Variants in ATP7A observed in about 807,000 individuals in gnomAD.
ATP7A encodes the protein copper-transporting ATPase 1.
In ATP7A, 7 loss-of-function variants were observed where a neutral mutation model predicts 83.5. The observed-to-expected ratio is 0.08, with a 90% CI of 0.05 to 0.16. ATP7A has a LOEUF of 0.16. Among genes scored for constraint, ATP7A ranks in the 10% least tolerant of loss-of-function variants. ATP7A has a pLI of 1.00. For missense variants in ATP7A, 940 were observed against 1,120.8 expected, an observed-to-expected ratio of 0.84 and a Z score of 2.30; for synonymous variants, 354 against 395.2, an observed-to-expected ratio of 0.90 and a Z score of 1.24.
chrX:77,984,109 G>A (rs782062574), intron 2 of ATP7A, among the ~76,000 whole-genome samples: 2 of 111,450 alleles, frequency 1.8e-5, no homozygotes, highest in Non-Finnish European at 3.8e-5. Context: ...TGGGGAATGA[G>A]GAAGGTGGGG....
chrX:77,961,277 CTGAT>C (rs1169932315), intron 1 of ATP7A, among the ~76,000 whole-genome samples: 4 of 112,099 alleles, frequency 3.6e-5, no homozygotes, highest in African/African-American at 1.3e-4. Context: ...TTCTGCCTGA[CTGAT>C]CTCTCTCAGT....
chrX:78,020,854 G>A, intron 13 of ATP7A, 91 bp from the exon 14 acceptor site: 14 of 982,080 alleles, frequency 1.4e-5, no homozygotes, highest in Non-Finnish European at 2.0e-5. Flanking sequence ...ATTTCTATTT[G>A]TGCTAACTAC....
intron 1 of ATP7A, among the ~76,000 whole-genome samples, chrX:77,949,695 ACCATCAGTTAAC>A (rs1287298781): frequency 3.6e-5 from 4 of 111,976 alleles, no homozygotes; most frequent in African/African-American, 1.3e-4. Context: ...TAGAAAAGAG[ACCATCAGTTAAC>A]CCATTGGAGG....
At chrX:77,954,351 C>T (rs531364983) in intron 1 of ATP7A, among the ~76,000 whole-genome samples, 2 of 111,188 alleles carry the variant, frequency 1.8e-5, no homozygotes, top group Middle Eastern at 9.4e-3. Context: ...ACCATATTGG[C>T]CAGGCTAGTC....
At chrX:77,990,068 T>G in intron 4 of ATP7A, 110 bp downstream of exon 4, 1 of 1,022,869 alleles carries the variant, frequency 9.8e-7, no homozygotes, top group African/African-American at 1.8e-5. Flanking sequence ...AATTCCACTT[T>G]TGCAAATATG....
At chrX:77,916,224 A>G (rs2077184357) in intron 1 of ATP7A, among the ~76,000 whole-genome samples, 2 of 109,044 alleles carry the variant, frequency 1.8e-5, no homozygotes, top group African/African-American at 6.7e-5. Flanking sequence ...GTGTGGTGGC[A>G]TGCGCCTATA....
chrX:78,004,525 G>C (rs901938664), intron 6 of ATP7A, among the ~76,000 whole-genome samples: 2 of 109,871 alleles, frequency 1.8e-5, no homozygotes, highest in African/African-American at 6.6e-5. Flanking sequence ...GAGGTGGGAG[G>C]ATCACTTGAG....
chrX:77,960,772 C>T (rs1195413163), intron 1 of ATP7A, among the ~76,000 whole-genome samples: 1 of 111,652 alleles, frequency 9.0e-6, no homozygotes, highest in Non-Finnish European at 1.9e-5. Context: ...CTTTTGTTCT[C>T]AGAGTCACTC....
intron 14 of ATP7A, 43 bp downstream of exon 14, chrX:78,021,122 T>C: frequency 8.7e-7 from 1 of 1,152,548 alleles, no homozygotes; most frequent in Non-Finnish European, 1.2e-6. Flanking sequence ...CAGAACAATT[T>C]GTGAGTCTTT....
intron 14 of ATP7A, among the ~76,000 whole-genome samples, chrX:78,027,107 G>T (rs1184553108): frequency 9.4e-6 from 1 of 106,314 alleles, no homozygotes; most frequent in East Asian, 2.9e-4. Flanking sequence ...CCTAGATCAC[G>T]CCATTGAACT....
chrX:78,042,041 C>A (rs1159993015), intron 19 of ATP7A, among the ~76,000 whole-genome samples: 1 of 103,163 alleles, frequency 9.7e-6, no homozygotes, highest in Admixed American at 1.1e-4. Flanking sequence ...TCGCTTGAAC[C>A]AGGAGGCGGA....
At chrX:77,915,980 C>A (rs1466893875) in intron 1 of ATP7A, among the ~76,000 whole-genome samples, 5 of 112,089 alleles carry the variant, frequency 4.5e-5, no homozygotes, top group African/African-American at 1.3e-4. Context: ...TTCAGCCTCC[C>A]AAAGTGCTGG....
intron 17 of ATP7A, among the ~76,000 whole-genome samples, chrX:78,036,820 C>T (rs1215343313): frequency 9.0e-6 from 1 of 111,319 alleles, no homozygotes; most frequent in East Asian, 2.8e-4. Flanking sequence ...GGGGCAAGGG[C>T]AGAAGCAGGG....
chrX:78,020,880 T>G, intron 13 of ATP7A, 65 bp from the exon 14 acceptor site: 1 of 1,080,958 alleles, frequency 9.3e-7, no homozygotes, highest in South Asian at 1.9e-5. Context: ...ATACTCTGCA[T>G]TCAGTATCAG....
intron 1 of ATP7A, chrX:77,964,482 A>G (rs1457772773): frequency 1.8e-5 from 2 of 110,318 alleles, no homozygotes; most frequent in Non-Finnish European, 3.8e-5. Context: ...GTTTTGTTAC[A>G]TAGGTATACA....
chrX:78,011,515 G>T lies in ATP7A; in HGVS notation c.2013G>T (p.Met671Ile), dbSNP rs371215281. Reference protein sequence around the residue: ...CIPVMGLMIYMMVMDHHFATL... With the variant: ...CIPVMGLMIYIMVMDHHFATL... Reference sequence around the variant, plus strand: ...CTGTAATGGGGCTGATGATATATATGATGGTTATGGACCACCACTTTGCAA... The same window carrying T: ...CTGTAATGGGGCTGATGATATATATTATGGTTATGGACCACCACTTTGCAA... The change falls in exon 9 of 23, where the codon ATG (methionine) becomes ATT (isoleucine). Residue 671 changes from methionine (M) to isoleucine (I), a missense_variant. By Grantham distance (10) the Met-to-Ile change is conservative. This residue lies in a region of ATP7A where 204 missense variants were observed against 185.8 expected (regional missense o/e 1.10). Transcript: ENST00000341514. 3.3e-6 allele frequency: 4 copies of T among 1,208,303 alleles called. No homozygotes were observed. The highest frequency in any genetic ancestry group is 4.5e-6 in the Non-Finnish European group (4 of 894,565).
chrX:78,042,827 G>A (rs372892189), intron 20 of ATP7A, 39 bp downstream of exon 20: 2 of 1,150,785 alleles, frequency 1.7e-6, no homozygotes, highest in Admixed American at 4.4e-5. Context: ...GTATGAGACT[G>A]CCCTATGTGG....
chrX:77,962,577 A>C (rs2077479390), intron 1 of ATP7A: 2 of 330,472 alleles, frequency 6.1e-6, no homozygotes, highest in Non-Finnish European at 1.2e-5. Flanking sequence ...AGGTGTTATG[A>C]GTTTCTTCAC....
chrX:78,024,368 A>C (rs1557236124), intron 14 of ATP7A, among the ~76,000 whole-genome samples: 1 of 111,547 alleles, frequency 9.0e-6, no homozygotes, highest in East Asian at 2.8e-4. Context: ...GAATCTATAG[A>C]TTGCTTTGGA....
Sources: gnomAD v4.1 joint callset for allele counts (sites outside exome capture counted in the v4.1 genomes callset) on GRCh38, gnomAD v4.1.1 for gene constraint, gnomAD v4.1.1 regional missense constraint, MANE v1.5 for transcripts, NCBI Gene and HGNC (gene_info 2026-07-23, HGNC 2026-07-21) for gene names.